The following CEP76 variants were observed in gnomAD, a reference collection of about 807,000 sequenced individuals.
CEP76 encodes centrosomal protein of 76 kDa.
A neutral mutation model predicts 83.3 loss-of-function variants in CEP76; 55 were observed. That is an observed-to-expected ratio of 0.66 (90% CI 0.53 to 0.83). CEP76 has a LOEUF of 0.83. CEP76 is among the 40% of genes least tolerant of loss of function. The pLI, the probability that CEP76 is intolerant of heterozygous loss-of-function variation, is 0.00. For missense variants in CEP76, 694 were observed against 799.5 expected, an observed-to-expected ratio of 0.87 and a Z score of 1.59; for synonymous variants, 270 against 274.5, an observed-to-expected ratio of 0.98 and a Z score of 0.16.
chr18:12,668,597 C>CAAAAACAAAAAA (rs2038855395), downstream of CEP76, among the ~76,000 whole-genome samples: 1 of 72,836 alleles, frequency 1.4e-5, no homozygotes, highest in Non-Finnish European at 2.4e-5. Context: ...GATTCCATCT[C>CAAAAACAAAAAA]AAAAAAAAAA....
intron 1 of CEP76, 72 bp from the exon 2 acceptor site, chr18:12,701,185 TTC>T: frequency 8.8e-7 from 1 of 1,142,196 alleles, no homozygotes; most frequent in Non-Finnish European, 1.3e-6. Context: ...AGTTTTAAGG[TTC>T]TCCAGCTAAC....
chr18:12,683,003 TAGTC>T (rs1385539026), intron 8 of CEP76, among the ~76,000 whole-genome samples: 15 of 152,098 alleles, frequency 9.9e-5, no homozygotes, highest in Non-Finnish European at 1.6e-4. Context: ...TCTGCAAAGA[TAGTC>T]AGTGTGAAAG....
At chr18:12,687,981 C>T (rs1053418164) in intron 7 of CEP76, among the ~76,000 whole-genome samples, 2 of 151,868 alleles carry the variant, frequency 1.3e-5, no homozygotes, top group African/African-American at 2.4e-5. Context: ...CGGTGGCTCA[C>T]GCCTGTAATC....
Position 12,666,589 on chromosome 18 carries a change from G to A in CEP76, c.*1728-4420C>T, listed in dbSNP as rs577935954. Among the ~76,000 whole-genome samples, 12 of 151,802 alleles carry A rather than the reference G, an allele frequency of 7.9e-5. No individual in the cohort carries two copies. The South Asian group carries it at 8.3e-4, about 11-fold the overall frequency. ...CAAATAGATGGGACTACAGGTGCAC[G>A]CACCATGCCTGGTTGTTGTTGTTTT... On this transcript the variant is annotated intron_variant and NMD_transcript_variant, in intron 12 of 12. Transcript: ENST00000590143.
chr18:12,675,067 G>T, intron 10 of CEP76, among the ~76,000 whole-genome samples: 1 of 128,410 alleles, frequency 7.8e-6, no homozygotes, highest in South Asian at 2.3e-4. Context: ...TGGAGGACAG[G>T]TATAATTCTT....
intron 8 of CEP76, among the ~76,000 whole-genome samples, chr18:12,681,996 TAA>T (rs1163314226): frequency 1.5e-5 from 2 of 136,162 alleles, no homozygotes; most frequent in Admixed American, 7.4e-5. Flanking sequence ...ACTCTGTCTC[TAA>T]AAAAAAAAAG....
In CEP76 at chr18:12,701,083, G is replaced by C; in HGVS notation, c.94C>G (p.Leu32Val). Residue 32 changes from leucine to valine, a missense_variant, in exon 2 of 12, where the codon CTT (leucine) becomes GTT (valine). Physicochemically the swap from Leu to Val is conservative, Grantham distance 32. Coordinates refer to ENST00000262127, the MANE Select transcript of CEP76 (RefSeq NM_024899.4). ...AATTCTTCCCGTATAGTCTCAGCAA[G>C]GATTTCTCTTATTCTACCATGGACA... ...MDVHGRIREI[L>V]AETIREELAP... 6.2e-7 allele frequency: 1 copy of C among 1,612,878 alleles called. No individual in the cohort carries two copies. The highest frequency in any genetic ancestry group is 2.2e-5 in the East Asian group (1 of 44,862).
At chr18:12,677,974 GC>G in intron 10 of CEP76, 134 bp downstream of exon 10, 1 of 627,232 alleles carries the variant, frequency 1.6e-6, no homozygotes, top group East Asian at 2.8e-5. Context: ...AAAATTATAA[GC>G]TTCATAATAG....
chr18:12,670,577 G>A (rs777033081), downstream of CEP76: 1 of 151,962 alleles, frequency 6.6e-6, no homozygotes, highest in African/African-American at 2.4e-5. Context: ...ATACCTCATA[G>A]TTTGTCTCAA....
At chr18:12,690,921 AAT>A (rs1174057803) in intron 7 of CEP76, among the ~76,000 whole-genome samples, 1 of 151,176 alleles carries the variant, frequency 6.6e-6, no homozygotes, top group Non-Finnish European at 1.5e-5. Context: ...CCTAACAAAA[AAT>A]ATATATATGC....
intron 11 of CEP76, among the ~76,000 whole-genome samples, chr18:12,673,890 T>C (rs2039023125): frequency 6.6e-6 from 1 of 151,826 alleles, no homozygotes; most frequent in Non-Finnish European, 1.5e-5. Context: ...CAAAAATAAA[T>C]AAATAAAATA....
At position 12,664,093 on chromosome 18, in the gene CEP76, G is replaced by C. The variant is rs564765438; in HGVS notation, c.*1728-1924C>G. Reference sequence around the variant, plus strand: ...GCAAGAGAATCGCTTGAACCCGGAGGGGCGGTGGTTGCGGTGAGCCGAGAT... The same window carrying C: ...GCAAGAGAATCGCTTGAACCCGGAGCGGCGGTGGTTGCGGTGAGCCGAGAT... On this transcript the variant is annotated intron_variant and NMD_transcript_variant, in intron 12 of 12. Transcript: ENST00000590143. 2.6e-5 allele frequency among the ~76,000 whole-genome samples: 4 copies of C among 152,270 alleles called. No homozygotes were observed. In the South Asian group the frequency reaches 8.3e-4, roughly 32 times the overall value.
At chr18:12,663,662 TTTGTG>T (rs1380005607) in intron 12 of CEP76, among the ~76,000 whole-genome samples, 3 of 152,298 alleles carry the variant, frequency 2.0e-5, no homozygotes, top group Non-Finnish European at 4.4e-5. Context: ...TAACCAGAGT[TTTGTG>T]TTGTGTAAAT....
intron 7 of CEP76, among the ~76,000 whole-genome samples, chr18:12,688,659 A>C (rs907619435): frequency 6.6e-6 from 1 of 152,224 alleles, no homozygotes; most frequent in Non-Finnish European, 1.5e-5. Context: ...CTGAATGGGC[A>C]CTGTCCAGTG....
chr18:12,669,448 A>G (rs1031906341), downstream of CEP76, among the ~76,000 whole-genome samples: 9 of 151,890 alleles, frequency 5.9e-5, no homozygotes, highest in Admixed American at 1.3e-4. Context: ...CCATCTCACT[A>G]TGTTGACCAG....
Position 12,678,359 on chromosome 18 carries a change from CAA to C in CEP76, c.1371_1372del (p.Val459PhefsTer14). 1 of 1,614,174 alleles carries C rather than the reference CAA, an allele frequency of 6.2e-7. No individual in the cohort carries two copies. The highest frequency in any genetic ancestry group is 8.5e-7 in the Non-Finnish European group (1 of 1,180,022). On this transcript the variant is annotated frameshift_variant, in exon 10 of 12. Transcript: ENST00000262127. LOFTEE classifies it high-confidence loss of function. ...CAGGAACATCTGATGGTTGAAAACACAACCAATTGTTCGATATGGGTACAGTG... is the reference window on the plus strand; with the variant it reads ...CAGGAACATCTGATGGTTGAAAACACCCAATTGTTCGATATGGGTACAGTG...
At chr18:12,671,765 C>T (rs530393349), downstream of CEP76, among the ~76,000 whole-genome samples, 5 of 151,430 alleles carry the variant, frequency 3.3e-5, no homozygotes, top group African/African-American at 9.7e-5. Context: ...CTCAGACTCC[C>T]GAGTAGCTTG....
intron 6 of CEP76, among the ~76,000 whole-genome samples, chr18:12,692,933 C>T (rs1239303456): frequency 6.6e-6 from 1 of 152,180 alleles, no homozygotes; most frequent in Non-Finnish European, 1.5e-5. Context: ...AGCGATCCTC[C>T]CACCTCAGCC....
chr18:12,695,577 CTT>C (rs1469675854), intron 5 of CEP76, among the ~76,000 whole-genome samples: 1 of 151,818 alleles, frequency 6.6e-6, no homozygotes, highest in Non-Finnish European at 1.5e-5. Context: ...TTCTGACACT[CTT>C]TTTCTTCTTT....
Sources: gnomAD v4.1 joint callset for allele counts (sites outside exome capture counted in the v4.1 genomes callset) on GRCh38, gnomAD v4.1.1 for gene constraint, MANE v1.5 for transcripts, NCBI Gene and HGNC (gene_info 2026-07-23, HGNC 2026-07-21) for gene names.